The following PIWIL3 variants were observed in gnomAD, a reference collection of about 807,000 sequenced individuals.
PIWIL3 encodes the protein piwi like RNA-mediated gene silencing 3, also known as piwi-like protein 3.
A neutral mutation model predicts 109.7 loss-of-function variants in PIWIL3; 101 were observed. That is an observed-to-expected ratio of 0.92 (90% confidence interval 0.78 to 1.09). The LOEUF (loss-of-function observed/expected upper bound fraction) is 1.09, where lower values mean the gene tolerates loss of function less well. Among genes scored for constraint, PIWIL3 ranks in the 50% least tolerant of loss-of-function variants. The probability of loss-of-function intolerance (pLI) is 0.00; values close to 1 mark genes in which losing one functional copy is unlikely to be tolerated. For missense variants in PIWIL3, 1,031 were observed against 1,072.6 expected (o/e 0.96, Z 0.54); for synonymous variants, 373 against 376.4 (o/e 0.99, Z 0.10).
intron 16 of PIWIL3, 134 bp from the exon 17 acceptor site, chr22:24,725,649 G>GAT: frequency 1.2e-6 from 1 of 859,680 alleles, no homozygotes; most frequent in Non-Finnish European, 1.8e-6. Context: ...TCTCTACGGA[G>GAT]ATCAAAGTAT....
Position 24,728,370 on chromosome 22 carries a change from A to G in PIWIL3, c.1712T>C (p.Ile571Thr), listed in dbSNP as rs147221703. ...TTTGTCATCATTGGGCAGGATACAAATCACCTTGAAAACCAGCAAACATGA... is the reference window on the plus strand; with the variant it reads ...TTTGTCATCATTGGGCAGGATACAAGTCACCTTGAAAACCAGCAAACATGA... ...KYTRPTLQMVICILPNDDKRR... is the reference protein window; with the variant it reads ...KYTRPTLQMVTCILPNDDKRR... Residue 571 changes from isoleucine to threonine, a missense_variant, in exon 15 of 21, where the codon ATT becomes ACT. By Grantham distance (89) the Ile-to-Thr change is moderately conservative (BLOSUM62 -1). Transcript: ENST00000616349. 6.2e-7 allele frequency: 1 copy of G among 1,614,096 alleles called. No homozygotes were observed. Among genetic ancestry groups the G allele is most frequent in the Non-Finnish European group, 8.5e-7 (1 of 1,180,036 alleles).
chr22:24,744,178 TAAAAAAAAAAA>T (rs1188611412), intron 12 of PIWIL3, among the ~76,000 whole-genome samples: 1 of 34,304 alleles, frequency 2.9e-5, no homozygotes, highest in Non-Finnish European at 5.7e-5. Context: ...GTGACCGAAT[TAAAAAAAAAAA>T]AAAAAAAAAA....
At chr22:24,764,676 AG>A (rs1487395260) in intron 1 of PIWIL3, among the ~76,000 whole-genome samples, 1 of 81,782 alleles carries the variant, frequency 1.2e-5, no homozygotes, top group Non-Finnish European at 2.5e-5. Flanking sequence ...GTGTTGAGAC[AG>A]GATCTCTCTC....
rs1474043756 is a variant in PIWIL3, at chr22:24,725,615, AG to A, written c.2010-101del. ...CAAAAAATATTACTATCAGTAGTTAAGGACATTTTAGCATCAATTCATATCT... is the reference window on the plus strand; with the variant it reads ...CAAAAAATATTACTATCAGTAGTTAAGACATTTTAGCATCAATTCATATCT... On this transcript the variant is annotated intron_variant, in intron 16 of 20. Transcript: ENST00000616349. 3.9e-5 allele frequency: 44 copies of A among 1,129,366 alleles called. 1 individual carries two copies. In the African/African-American group the frequency reaches 5.7e-4, roughly 15 times the overall value. The allele number at this position is 1,129,366 out of a possible 1,614,324, so 70.0% of individuals were successfully genotyped here. A position where few individuals can be genotyped will look rare whatever the true frequency, so the allele number is the denominator to read the frequency against.
At chr22:24,724,729 A>G (rs746869596) in intron 18 of PIWIL3, among the ~76,000 whole-genome samples, 158 bp downstream of exon 18, 7 of 151,686 alleles carry the variant, frequency 4.6e-5, no homozygotes, top group Non-Finnish European at 1.0e-4. Context: ...GAGCCACCGC[A>G]CCCGGCCAAT....
intron 1 of PIWIL3, among the ~76,000 whole-genome samples, chr22:24,767,293 T>C (rs1925850184): frequency 6.6e-6 from 1 of 152,024 alleles, no homozygotes; most frequent in Admixed American, 6.6e-5. Context: ...CCCAGCACTT[T>C]GGGAGGCTGA....
chr22:24,746,823 A>G (rs1379106065), intron 12 of PIWIL3, among the ~76,000 whole-genome samples: 1 of 152,120 alleles, frequency 6.6e-6, no homozygotes, highest in Non-Finnish European at 1.5e-5. Flanking sequence ...TGAAAACTAT[A>G]AAACACTGAT....
At chr22:24,765,784 C>CAA (rs71189279) in intron 1 of PIWIL3, among the ~76,000 whole-genome samples, 2,478 of 138,580 alleles carry the variant, frequency 0.018, 29 homozygotes, top group African/African-American at 0.035. Flanking sequence ...GTATTTGGTC[C>CAA]AAAAAAAAAA....
At chr22:24,740,115 A>T (rs958316552) in intron 12 of PIWIL3, among the ~76,000 whole-genome samples, 2 of 149,508 alleles carry the variant, frequency 1.3e-5, no homozygotes, top group African/African-American at 2.5e-5. Flanking sequence ...GCTACTCAGG[A>T]GGCTGAGGCA....
At chr22:24,771,086 A>G (rs1169960871) in intron 1 of PIWIL3, among the ~76,000 whole-genome samples, 2 of 151,960 alleles carry the variant, frequency 1.3e-5, no homozygotes, top group African/African-American at 2.4e-5. Context: ...TCCCTTTTTA[A>G]ACCCTTTCAC....
Position 24,773,703 on chromosome 22 carries a change from AT to A in PIWIL3, c.-23+618del, listed in dbSNP as rs61034646. On this transcript the variant is annotated intron_variant, in intron 1 of 20. Coordinates refer to ENST00000616349, the MANE Select transcript of PIWIL3 (RefSeq NM_001255975.1). ...AAAGGATATGTACAAGACACTCTAG[AT>A]TTTTTTTTTTTTTTTTTTTTTTTGA... Among the ~76,000 whole-genome samples, 1,029 of 110,188 alleles carry A rather than the reference AT, an allele frequency of 9.3e-3. 8 individuals carry two copies. The highest frequency in any genetic ancestry group is 0.024 in the African/African-American group (673 of 27,792). 72.3% of individuals were successfully genotyped at this position (110,188 alleles called of 152,430 possible). A position where few individuals can be genotyped will look rare whatever the true frequency, so the allele number is the denominator to read the frequency against.
chr22:24,752,830 C>T (rs966968070), intron 8 of PIWIL3, among the ~76,000 whole-genome samples: 9 of 152,178 alleles, frequency 5.9e-5, no homozygotes, highest in East Asian at 1.9e-4. Flanking sequence ...CACATCCTTG[C>T]CAACACTTGT....
chr22:24,721,468 T>C (rs942719182), intron 19 of PIWIL3, among the ~76,000 whole-genome samples: 5 of 152,182 alleles, frequency 3.3e-5, no homozygotes, highest in Non-Finnish European at 7.3e-5. Context: ...CACACCCCCA[T>C]CATATCTTAT....
In PIWIL3 at chr22:24,751,642, A is replaced by G. The variant is rs1924717109; in HGVS notation, c.978-144T>C. The G allele has an allele frequency of 1.5e-5, 21 of 1,365,066 alleles. No homozygotes were observed. In the South Asian group the frequency reaches 2.5e-4, roughly 16 times the overall value. The allele number at this position is 1,365,066 out of a possible 1,614,324, so 84.6% of individuals were successfully genotyped here. On this transcript the variant is annotated intron_variant, in intron 8 of 20. Transcript: ENST00000616349. ...ATGTAATTCACATACTGTACAACTCACCCATCTGAGCATACGATCACCTGG... is the reference window on the plus strand; with the variant it reads ...ATGTAATTCACATACTGTACAACTCGCCCATCTGAGCATACGATCACCTGG...
At position 24,762,437 on chromosome 22, in the gene PIWIL3, T is replaced by C. The variant is rs79365344; in HGVS notation, c.63A>G (p.Gln21=). ...GTGCTCTGGGTCCCCCAGGTGCCTC[T>C]TGTTGGTAGCTCTCCCTGCGGCGGG... is the stretch of plus-strand genomic sequence containing the variant. ...GRARRRESYQ[Q]EAPGGPRAPG... is the part of the protein sequence containing the mutation. Residue 21 remains glutamine (Q), a synonymous_variant, in exon 2 of 21, where the codon CAA becomes CAG. Coordinates refer to ENST00000616349, the MANE Select transcript of PIWIL3 (RefSeq NM_001255975.1). 1.1e-5 allele frequency: 18 copies of C among 1,613,938 alleles called. No individual in the cohort carries two copies. The highest frequency in any genetic ancestry group is 1.5e-5 in the Non-Finnish European group (18 of 1,179,976).
chr22:24,763,956 G>A (rs1194508378), intron 1 of PIWIL3, among the ~76,000 whole-genome samples: 1 of 152,176 alleles, frequency 6.6e-6, no homozygotes, highest in Non-Finnish European at 1.5e-5. Context: ...GCAGCGTCCC[G>A]GCGCTGATCT....
At chr22:24,773,339 G>T (rs1010022276) in intron 1 of PIWIL3, among the ~76,000 whole-genome samples, 10 of 152,180 alleles carry the variant, frequency 6.6e-5, no homozygotes, top group Admixed American at 5.9e-4. Flanking sequence ...TTTGCCAAAA[G>T]AATTCAGAAG....
intron 5 of PIWIL3, 66 bp downstream of exon 5, chr22:24,756,425 G>T (rs1304586974): frequency 1.4e-6 from 2 of 1,460,072 alleles, no homozygotes; most frequent in Non-Finnish European, 1.9e-6. Context: ...AACAATAGGT[G>T]TTTTATTATA....
At chr22:24,769,000 T>C (rs897689752) in intron 1 of PIWIL3, among the ~76,000 whole-genome samples, 3 of 152,168 alleles carry the variant, frequency 2.0e-5, no homozygotes, top group African/African-American at 7.2e-5. Flanking sequence ...CGCAAGGTGG[T>C]GCTATTGTCT....
Sources: gnomAD v4.1 joint callset for allele counts (sites outside exome capture counted in the v4.1 genomes callset) on GRCh38, gnomAD v4.1.1 for gene constraint, MANE v1.5 for transcripts, NCBI Gene and HGNC (gene_info 2026-07-23, HGNC 2026-07-21) for gene names.